RBFOX1: variants seen among roughly 807,000 people sequenced by gnomAD.
RBFOX1 encodes the protein RNA binding fox-1 homolog 1, also known as RNA binding protein fox-1 homolog 1.
Under a neutral mutation model 57.7 loss-of-function variants are expected in RBFOX1, and 8 were observed. The observed-to-expected ratio is 0.14, with a 90% confidence interval of 0.08 to 0.25. The LOEUF (loss-of-function observed/expected upper bound fraction) is 0.25, where lower values mean the gene tolerates loss of function less well. Among genes scored for constraint, RBFOX1 ranks in the 10% least tolerant of loss-of-function variants. The pLI, the probability that RBFOX1 is intolerant of heterozygous loss-of-function variation, is 1.00. For missense variants in RBFOX1, 611 were observed against 548.5 expected (o/e 1.11, Z -1.14); for synonymous variants, 326 against 222.4 (o/e 1.47, Z -4.15).
intron 1 of RBFOX1, among the ~76,000 whole-genome samples, chr16:6,178,868 T>A (rs1012364575): frequency 3.3e-4 from 50 of 152,342 alleles, no homozygotes; most frequent in Admixed American, 2.0e-3. Context: ...TGGCATTTTC[T>A]GTCCTAAACA....
At chr16:7,258,630 C>G (rs1218961556) in intron 4 of RBFOX1, among the ~76,000 whole-genome samples, 1 of 151,962 alleles carries the variant, frequency 6.6e-6, no homozygotes, top group Non-Finnish European at 1.5e-5. Context: ...AAAATAATAT[C>G]CATCCTGTAC....
chr16:7,082,630 T>G (rs77435230), intron 4 of RBFOX1, among the ~76,000 whole-genome samples: 5,213 of 152,248 alleles, frequency 0.034, 305 homozygotes, highest in African/African-American at 0.12. Flanking sequence ...ATCAAGTCAT[T>G]TTTCACATTT....
In RBFOX1 at chr16:7,671,604, G is replaced by A. The variant is rs763604762; in HGVS notation, c.931-5170G>A. Reference sequence around the variant, plus strand: ...TATGGCAATAAATTGCTGCAGGTATGAAATCCCGACTGGTGGAGAAACTCA... The same window carrying A: ...TATGGCAATAAATTGCTGCAGGTATAAAATCCCGACTGGTGGAGAAACTCA... On this transcript the variant is annotated intron_variant, in intron 13 of 15. Transcript: ENST00000550418. 7 of 1,609,786 alleles carry A rather than the reference G, an allele frequency of 4.3e-6. No homozygotes were observed. The highest frequency in any genetic ancestry group is 5.1e-6 in the Non-Finnish European group (6 of 1,176,172).
intron 3 of RBFOX1, among the ~76,000 whole-genome samples, chr16:6,873,575 T>G (rs1312185438): frequency 6.6e-6 from 1 of 152,184 alleles, no homozygotes; most frequent in Non-Finnish European, 1.5e-5. Flanking sequence ...CTGCATAAAC[T>G]ATTGAGTTAA....
chr16:6,513,093 T>C (rs769051851), intron 2 of RBFOX1, among the ~76,000 whole-genome samples: 2 of 152,238 alleles, frequency 1.3e-5, no homozygotes, highest in Non-Finnish European at 2.9e-5. Flanking sequence ...CAGCCAGTTC[T>C]AGTCTGGCTT....
intron 2 of RBFOX1, among the ~76,000 whole-genome samples, chr16:6,619,172 A>G (rs2098188539): frequency 6.6e-6 from 1 of 151,454 alleles, no homozygotes; most frequent in South Asian, 2.1e-4. Context: ...GGAAGGAGAA[A>G]AAAAAAAACA....
At chr16:5,648,393 G>T (rs759226259) in intron 3 of RBFOX1, among the ~76,000 whole-genome samples, 55 of 152,162 alleles carry the variant, frequency 3.6e-4, no homozygotes, top group Admixed American at 6.5e-4. Flanking sequence ...CGCAGGTGTG[G>T]TGCACTCTGC....
chr16:5,358,018 A>T (rs1171184176), intron 1 of RBFOX1, among the ~76,000 whole-genome samples: 2 of 152,180 alleles, frequency 1.3e-5, no homozygotes, highest in Non-Finnish European at 2.9e-5. Flanking sequence ...GGCTTAAATG[A>T]CACAACTTTA....
At chr16:5,784,590 A>G (rs1415779886) in intron 3 of RBFOX1, among the ~76,000 whole-genome samples, 1 of 152,144 alleles carries the variant, frequency 6.6e-6, no homozygotes, top group Non-Finnish European at 1.5e-5. Flanking sequence ...TGAGAATTCC[A>G]TCCCCATGAT....
chr16:6,859,136 T>G (rs1490715637), intron 3 of RBFOX1, among the ~76,000 whole-genome samples: 1 of 102,698 alleles, frequency 9.7e-6, no homozygotes, highest in African/African-American at 4.3e-5. Context: ...TATACATATA[T>G]ATACGTATAT....
intron 3 of RBFOX1, among the ~76,000 whole-genome samples, chr16:6,918,960 T>C (rs1196417863): frequency 6.6e-6 from 1 of 152,102 alleles, no homozygotes; most frequent in Admixed American, 6.5e-5. Context: ...ATTTCTCCAT[T>C]TAATAACAAC....
intron 2 of RBFOX1, among the ~76,000 whole-genome samples, chr16:6,478,404 TATATATATATATATA>T (rs2095309504): frequency 2.9e-4 from 5 of 16,980 alleles, no homozygotes; most frequent in African/African-American, 1.4e-3. Context: ...TATATATATA[TATATATATATATATA>T]TATATATATA....
chr16:6,082,705 A>C (rs2096022236), intron 1 of RBFOX1, among the ~76,000 whole-genome samples: 2 of 152,132 alleles, frequency 1.3e-5, no homozygotes, highest in Admixed American at 1.3e-4. Flanking sequence ...AGGAAGGGAC[A>C]ATGTTCTCTG....
intron 2 of RBFOX1, among the ~76,000 whole-genome samples, chr16:6,340,698 T>C (rs2084432316): frequency 6.6e-6 from 1 of 152,202 alleles, no homozygotes; most frequent in South Asian, 2.1e-4. Flanking sequence ...TACTGCAACC[T>C]GTTTTATGAG....
intron 2 of RBFOX1, among the ~76,000 whole-genome samples, chr16:6,499,508 C>A (rs2095858103): frequency 6.6e-6 from 1 of 152,094 alleles, no homozygotes; most frequent in African/African-American, 2.4e-5. Flanking sequence ...ACAAGTAAAG[C>A]TTTTCATTTT....
At chr16:5,278,978 T>C (rs977393790) in intron 1 of RBFOX1, among the ~76,000 whole-genome samples, 1 of 152,216 alleles carries the variant, frequency 6.6e-6, no homozygotes, top group African/African-American at 2.4e-5. Context: ...ACACACTGTT[T>C]TGGTTACTAT....
intron 4 of RBFOX1, among the ~76,000 whole-genome samples, chr16:7,080,995 C>A (rs1028312069): frequency 6.6e-6 from 1 of 152,200 alleles, no homozygotes; most frequent in Non-Finnish European, 1.5e-5. Context: ...CTCACTTCCC[C>A]TCCTCAGCCC....
chr16:6,797,734 G>A (rs1398977314), intron 3 of RBFOX1, among the ~76,000 whole-genome samples: 1 of 152,042 alleles, frequency 6.6e-6, no homozygotes, highest in Non-Finnish European at 1.5e-5. Flanking sequence ...TCCAAACCAC[G>A]TTGGCTCTTG....
chr16:6,408,724 C>T (rs1047327901), intron 2 of RBFOX1, among the ~76,000 whole-genome samples: 1 of 152,148 alleles, frequency 6.6e-6, no homozygotes, highest in Non-Finnish European at 1.5e-5. Context: ...AGGCAAAGGG[C>T]ATGGCATTAG....
Sources: gnomAD v4.1 joint callset for allele counts (sites outside exome capture counted in the v4.1 genomes callset) on GRCh38, gnomAD v4.1.1 for gene constraint, MANE v1.5 for transcripts, NCBI Gene and HGNC (gene_info 2026-07-23, HGNC 2026-07-21) for gene names.